The following SHISA9 variants were observed in gnomAD, a reference collection of about 807,000 sequenced individuals.
SHISA9 encodes the protein shisa family member 9, also known as protein shisa-9.
A neutral mutation model predicts 38.0 loss-of-function variants in SHISA9; 13 were observed. The observed-to-expected ratio is 0.34, with a 90% CI of 0.22 to 0.54. The LOEUF (loss-of-function observed/expected upper bound fraction) is 0.54, where lower values mean the gene tolerates loss of function less well. SHISA9 is among the 20% of genes least tolerant of loss of function. SHISA9 has a pLI of 0.91. For missense variants in SHISA9, 538 were observed against 575.8 expected (o/e 0.93, Z 0.67); for synonymous variants, 275 against 242.0 (o/e 1.14, Z -1.27).
chr16:13,348,028 T>C, the SHISA9 span, among the ~76,000 whole-genome samples: 1 of 152,196 alleles, frequency 6.6e-6, no homozygotes. Context: ...GAGTGAGGCT[T>C]GTGTTGAATT....
Position 13,235,501 on chromosome 16 carries a change from C to T in SHISA9, c.*92C>T. ...ACACCCTCCCCATCCTCCCCTAATA[C>T]ATGCGTCCACACACTCACTCTCAAC... On this transcript the variant is annotated 3_prime_UTR_variant, in exon 5 of 5. Coordinates refer to ENST00000558583, the MANE Select transcript of SHISA9 (RefSeq NM_001145204.3). The T allele has an allele frequency of 7.3e-7, 1 of 1,369,314 alleles. No individual in the cohort carries two copies. Among genetic ancestry groups the T allele is most frequent in the Non-Finnish European group, 9.7e-7 (1 of 1,032,518 alleles). 84.8% of individuals were successfully genotyped at this position (1,369,314 alleles called of 1,614,324 possible).
intron 4 of SHISA9, among the ~76,000 whole-genome samples, chr16:13,226,443 A>G (rs1452440852): frequency 1.3e-5 from 2 of 152,216 alleles, no homozygotes; most frequent in Non-Finnish European, 2.9e-5. Context: ...AATCTTGCCT[A>G]TAGGACATTA....
At position 13,031,113 on chromosome 16, in the gene SHISA9, G is replaced by T. The variant is rs191601088; in HGVS notation, c.691+114298G>T. Reference sequence around the variant, plus strand: ...AAACAATGGCCAAACCAGGTCCCGCGGGGCACTGTGATTACCATGGGTCTT... The same window carrying T: ...AAACAATGGCCAAACCAGGTCCCGCTGGGCACTGTGATTACCATGGGTCTT... On this transcript the variant is annotated intron_variant, in intron 2 of 4. Coordinates refer to ENST00000558583, the MANE Select transcript of SHISA9 (RefSeq NM_001145204.3). Among the ~76,000 whole-genome samples the T allele has an allele frequency of 4.5e-4, 69 of 152,264 alleles. 1 individual carries two copies. Among genetic ancestry groups the T allele is most frequent in the Admixed American group, 4.4e-3 (68 of 15,290 alleles).
chr16:13,400,984 G>A, the SHISA9 span, among the ~76,000 whole-genome samples: 1 of 152,192 alleles, frequency 6.6e-6, no homozygotes, highest in African/African-American at 2.4e-5. Flanking sequence ...AGGTGAGCTG[G>A]TGATTCTCCA....
At chr16:13,506,844 G>T in the SHISA9 span, among the ~76,000 whole-genome samples, 1 of 152,056 alleles carries the variant, frequency 6.6e-6, no homozygotes, top group East Asian at 1.9e-4. Context: ...AGACCAGCCT[G>T]GGCAACAGAG....
intron 2 of SHISA9, among the ~76,000 whole-genome samples, chr16:12,980,756 T>C (rs1300696999): frequency 6.6e-6 from 1 of 152,122 alleles, no homozygotes; most frequent in Non-Finnish European, 1.5e-5. Flanking sequence ...TTTTTAGTCA[T>C]GACTTCTTCC....
At chr16:13,436,259 GCCAAAACCTA>G in the SHISA9 span, among the ~76,000 whole-genome samples, 1 of 152,328 alleles carries the variant, frequency 6.6e-6, no homozygotes, top group African/African-American at 2.4e-5. Context: ...AAAGAAACCA[GCCAAAACCTA>G]CCAAATCCAA....
At chr16:13,435,002 A>G in the SHISA9 span, among the ~76,000 whole-genome samples, 4 of 152,232 alleles carry the variant, frequency 2.6e-5, no homozygotes, top group African/African-American at 9.6e-5. Context: ...TGAAAAATAC[A>G]CTAAAACTAC....
At chr16:12,971,607 T>C (rs1319342740) in intron 2 of SHISA9, among the ~76,000 whole-genome samples, 3 of 152,162 alleles carry the variant, frequency 2.0e-5, no homozygotes, top group Non-Finnish European at 4.4e-5. Flanking sequence ...ATCTCCCTAC[T>C]CACCCCATGC....
At chr16:13,381,929 G>A in the SHISA9 span, among the ~76,000 whole-genome samples, 2 of 152,162 alleles carry the variant, frequency 1.3e-5, no homozygotes, top group Non-Finnish European at 2.9e-5. Flanking sequence ...GACATGAAGA[G>A]AGTGTTCCCA....
chr16:13,079,915 A>C (rs1033573869), intron 2 of SHISA9, among the ~76,000 whole-genome samples: 6 of 152,218 alleles, frequency 3.9e-5, no homozygotes, highest in Non-Finnish European at 7.3e-5. Flanking sequence ...TGGTGTTAAC[A>C]CTACACATTA....
At chr16:13,074,118 C>T (rs570314634) in intron 2 of SHISA9, among the ~76,000 whole-genome samples, 9 of 151,816 alleles carry the variant, frequency 5.9e-5, no homozygotes, top group East Asian at 3.9e-4. Flanking sequence ...TACAGGCGCC[C>T]GCCATCACGC....
chr16:13,139,459 T>C (rs1048985201), intron 2 of SHISA9, among the ~76,000 whole-genome samples: 10 of 146,540 alleles, frequency 6.8e-5, no homozygotes, highest in African/African-American at 2.5e-4. Context: ...TCTCCCTCTT[T>C]CTCTCTCTCT....
chr16:13,215,379 T>G (rs2051158334), intron 4 of SHISA9, among the ~76,000 whole-genome samples: 1 of 152,254 alleles, frequency 6.6e-6, no homozygotes, highest in Admixed American at 6.5e-5. Context: ...GAGAATCCCC[T>G]GACTACCTGG....
At chr16:13,268,874 T>A in the SHISA9 span, among the ~76,000 whole-genome samples, 6 of 152,318 alleles carry the variant, frequency 3.9e-5, no homozygotes, top group Admixed American at 2.0e-4. Flanking sequence ...ATTGGACACA[T>A]GATACCAGTT....
chr16:13,177,337 T>A (rs7194732), intron 2 of SHISA9, among the ~76,000 whole-genome samples: 1 of 151,878 alleles, frequency 6.6e-6, no homozygotes, highest in Admixed American at 6.6e-5. Flanking sequence ...GCTCAAAATC[T>A]TAGAATGGCT....
intron 2 of SHISA9, among the ~76,000 whole-genome samples, chr16:13,132,935 C>T (rs780876053): frequency 8.5e-5 from 13 of 152,166 alleles, no homozygotes; most frequent in Non-Finnish European, 1.9e-4. Context: ...TCTGTGTGAC[C>T]TTGTCCATCA....
chr16:13,035,904 G>T (rs2073054550), intron 2 of SHISA9, among the ~76,000 whole-genome samples: 1 of 152,150 alleles, frequency 6.6e-6, no homozygotes, highest in South Asian at 2.1e-4. Context: ...TACATGAAAA[G>T]ATGCCGGTGT....
At chr16:13,410,192 T>G in the SHISA9 span, among the ~76,000 whole-genome samples, 4 of 152,216 alleles carry the variant, frequency 2.6e-5, no homozygotes, top group Non-Finnish European at 5.9e-5. Context: ...ATTTTTAGTA[T>G]GAAATTTGTT....
Sources: allele counts gnomAD v4.1 joint callset (sites outside exome capture counted in the v4.1 genomes callset), GRCh38; gene constraint gnomAD v4.1.1; transcripts MANE v1.5; gene names NCBI Gene and HGNC (gene_info 2026-07-23, HGNC 2026-07-21).